The following HPGDS variants were observed in gnomAD, a reference collection of about 807,000 sequenced individuals.
HPGDS encodes the protein hematopoietic prostaglandin D synthase.
A neutral mutation model predicts 23.1 loss-of-function variants in HPGDS; 26 were observed. That is an observed-to-expected ratio of 1.13 (90% CI 0.83 to 1.56). HPGDS has a LOEUF of 1.56. Among genes scored for constraint, HPGDS ranks in the 40% most tolerant of loss-of-function variants. The pLI, the probability that HPGDS is intolerant of heterozygous loss-of-function variation, is 0.00. For missense variants in HPGDS, 268 were observed against 236.4 expected, an observed-to-expected ratio of 1.13 and a Z score of -0.88; for synonymous variants, 95 against 77.9, an observed-to-expected ratio of 1.22 and a Z score of -1.16.
intron 3 of HPGDS, among the ~76,000 whole-genome samples, chr4:94,314,755 G>A (rs945046610): frequency 2.6e-5 from 4 of 152,200 alleles, no homozygotes; most frequent in African/African-American, 9.6e-5. Flanking sequence ...TACGGAGGCA[G>A]GCAGGCCTCC....
In HPGDS at chr4:94,312,865, G is replaced by T. The variant is rs540181409; in HGVS notation, c.227-4122C>A. ...TTTAGGATAGTTAGCTCTTCTTGTT[G>T]AATTGATCTCTTTACCATTATGTAA... On this transcript the variant is annotated intron_variant, in intron 3 of 5. Coordinates refer to ENST00000295256, the MANE Select transcript of HPGDS (RefSeq NM_014485.3). 5.5e-3 allele frequency among the ~76,000 whole-genome samples: 841 copies of T among 152,274 alleles called. 4 individuals are homozygous for T. The highest frequency in any genetic ancestry group is 0.019 in the African/African-American group (785 of 41,538).
In HPGDS at chr4:94,312,023, C is replaced by A. The variant is rs528056261; in HGVS notation, c.227-3280G>T. Reference sequence around the variant, plus strand: ...TTTTTATTGCATCTATTTGATTCTTCTCTCTTTTCTTCTTTATTAGTGTTG... The same window carrying A: ...TTTTTATTGCATCTATTTGATTCTTATCTCTTTTCTTCTTTATTAGTGTTG... On this transcript the variant is annotated intron_variant, in intron 3 of 5. Transcript: ENST00000295256. Among the ~76,000 whole-genome samples, 4 of 152,156 alleles carry A rather than the reference C, an allele frequency of 2.6e-5. No homozygotes were observed. In the South Asian group the frequency reaches 8.3e-4, roughly 32 times the overall value.
At chr4:94,328,750 C>T (rs2126044204) in intron 2 of HPGDS, among the ~76,000 whole-genome samples, 1 of 152,250 alleles carries the variant, frequency 6.6e-6, no homozygotes, top group South Asian at 2.1e-4. Flanking sequence ...CTACGTAATA[C>T]TTTGCCATGT....
rs193040297 is a variant in HPGDS, at chr4:94,331,213, G to T, written c.133+3284C>A. 5.9e-5 allele frequency among the ~76,000 whole-genome samples: 9 copies of T among 152,214 alleles called. No individual in the cohort carries two copies. In the East Asian group the frequency reaches 1.7e-3, roughly 29 times the overall value. On this transcript the variant is annotated intron_variant, in intron 2 of 5. Transcript: ENST00000295256. ...AGTTAGGTTACAGTTCATCTACAGGGACTCAAATATAGTAGTACAGAGTCC... is the reference window on the plus strand; with the variant it reads ...AGTTAGGTTACAGTTCATCTACAGGTACTCAAATATAGTAGTACAGAGTCC...
At chr4:94,340,316 T>TCTC (rs1560598061) in intron 1 of HPGDS, among the ~76,000 whole-genome samples, 1 of 17,044 alleles carries the variant, frequency 5.9e-5, no homozygotes, top group African/African-American at 3.5e-4. Context: ...TTTCTCTTTT[T>TCTC]TTTTTTTTTT....
In HPGDS at chr4:94,334,657, A is replaced by G. The variant is rs767402747; in HGVS notation, c.-9-19T>C. Reference sequence around the variant, plus strand: ...TGCAATTCTGGAAAAAGAAAAAGGGAGGGATTATTTTAAGAGCCCTCTAGA... The same window carrying G: ...TGCAATTCTGGAAAAAGAAAAAGGGGGGGATTATTTTAAGAGCCCTCTAGA... On this transcript the variant is annotated intron_variant, in intron 1 of 5. Coordinates refer to ENST00000295256, the MANE Select transcript of HPGDS (RefSeq NM_014485.3). 3.1e-6 allele frequency: 5 copies of G among 1,604,196 alleles called. No homozygotes were observed. Among genetic ancestry groups the G allele is most frequent in the African/African-American group, 2.7e-5 (2 of 74,466 alleles).
chr4:94,309,887 C>T (rs547518706), intron 3 of HPGDS, among the ~76,000 whole-genome samples: 4,415 of 152,036 alleles, frequency 0.029, 117 homozygotes, highest in African/African-American at 0.075. Flanking sequence ...CCAGTGATGA[C>T]GAGCATTTTT....
At chr4:94,340,586 G>GC (rs1721142481) in intron 1 of HPGDS, among the ~76,000 whole-genome samples, 1 of 145,440 alleles carries the variant, frequency 6.9e-6, no homozygotes, top group Non-Finnish European at 1.5e-5. Flanking sequence ...TGATCCGCCT[G>GC]CCTCAGCCTC....
intron 1 of HPGDS, among the ~76,000 whole-genome samples, chr4:94,336,920 T>G (rs1721032090): frequency 6.6e-6 from 1 of 150,398 alleles, no homozygotes; most frequent in South Asian, 2.1e-4. Context: ...AAAAGTTTGA[T>G]TATTAGTTGT....
intron 2 of HPGDS, among the ~76,000 whole-genome samples, chr4:94,327,569 C>T (rs371328566): frequency 6.6e-6 from 1 of 152,114 alleles, no homozygotes; most frequent in Non-Finnish European, 1.5e-5. Context: ...AGCTGGTCCC[C>T]GGGCTTCATA....
intron 2 of HPGDS, among the ~76,000 whole-genome samples, chr4:94,319,359 T>C (rs1179146049): frequency 6.6e-6 from 1 of 152,250 alleles, no homozygotes; most frequent in Non-Finnish European, 1.5e-5. Context: ...GTTCCTGTTT[T>C]TATGGAATAT....
intron 2 of HPGDS, among the ~76,000 whole-genome samples, chr4:94,324,037 A>G (rs1313453977): frequency 6.6e-6 from 1 of 152,208 alleles, no homozygotes; most frequent in Admixed American, 6.5e-5. Flanking sequence ...TTGGCAGGAT[A>G]TGAAATTCTG....
In HPGDS at chr4:94,298,608, C is replaced by T. The variant is rs947229199; in HGVS notation, c.*872G>A. On this transcript the variant is annotated 3_prime_UTR_variant, in exon 6 of 6. Coordinates refer to ENST00000295256, the MANE Select transcript of HPGDS (RefSeq NM_014485.3). The stretch of plus-strand genomic sequence containing the variant: ...GTTCTATATAATTTTGAATAATAGT[C>T]TTTTGTCAGATACATGTTTTACAAG... 2 of 152,176 alleles carry T rather than the reference C, an allele frequency of 1.3e-5. No individual in the cohort carries two copies. Among genetic ancestry groups the T allele is most frequent in the African/African-American group, 4.8e-5 (2 of 41,432 alleles). 9.4% of individuals were successfully genotyped at this position (152,176 alleles called of 1,614,324 possible). A position where few individuals can be genotyped will look rare whatever the true frequency, so the allele number is the denominator to read the frequency against.
intron 1 of HPGDS, among the ~76,000 whole-genome samples, chr4:94,336,884 C>T (rs761737815): frequency 6.6e-6 from 1 of 152,160 alleles, no homozygotes; most frequent in Non-Finnish European, 1.5e-5. Flanking sequence ...AATATCAAAA[C>T]AATTTTTAAA....
intron 2 of HPGDS, among the ~76,000 whole-genome samples, chr4:94,332,661 G>A (rs1756755226): frequency 6.6e-6 from 1 of 152,222 alleles, no homozygotes; most frequent in South Asian, 2.1e-4. Context: ...AAGTAAATGG[G>A]GCACCCCATC....
chr4:94,334,278 A>C (rs561945529), intron 2 of HPGDS: 23 of 406,304 alleles, frequency 5.7e-5, no homozygotes, highest in African/African-American at 4.5e-4. Flanking sequence ...CTAAAGCTTT[A>C]TACTGGTTTA....
At chr4:94,313,094 T>A (rs1458456914) in intron 3 of HPGDS, among the ~76,000 whole-genome samples, 1 of 152,242 alleles carries the variant, frequency 6.6e-6, no homozygotes, top group Non-Finnish European at 1.5e-5. Flanking sequence ...TTTATCCAAT[T>A]TGCCAGTCTG....
intron 2 of HPGDS, among the ~76,000 whole-genome samples, chr4:94,331,555 C>CT (rs1357786193): frequency 6.6e-6 from 1 of 152,130 alleles, no homozygotes; most frequent in Non-Finnish European, 1.5e-5. Context: ...TTAAGAAACT[C>CT]TCGATCGTTC....
At position 94,340,311 on chromosome 4, in the gene HPGDS, C is replaced by CTTTTT. The variant is rs869240610; in HGVS notation, c.-10+2479_-10+2483dup. Among the ~76,000 whole-genome samples, 9 of 23,686 alleles carry CTTTTT rather than the reference C, an allele frequency of 3.8e-4. 1 individual carries two copies. Among genetic ancestry groups the CTTTTT allele is most frequent in the African/African-American group, 1.2e-3 (8 of 6,862 alleles). The allele number at this position is 23,686 out of a possible 152,430, so 15.5% of individuals were successfully genotyped here. A position where few individuals can be genotyped will look rare whatever the true frequency, so the allele number is the denominator to read the frequency against. ...TTTCTTTCTTTCTTTCTTTCTTTCT[C>CTTTTT]TTTTTTTTTTTTTTTTTTTTTTTTT... On this transcript the variant is annotated intron_variant, in intron 1 of 5. Transcript: ENST00000295256.
Sources: gnomAD v4.1 joint callset for allele counts (sites outside exome capture counted in the v4.1 genomes callset) on GRCh38, gnomAD v4.1.1 for gene constraint, MANE v1.5 for transcripts, NCBI Gene and HGNC (gene_info 2026-07-23, HGNC 2026-07-21) for gene names.